Variants in NKAIN2 observed in about 807,000 individuals in gnomAD.
NKAIN2 encodes the protein sodium/potassium transporting ATPase interacting 2, also known as sodium/potassium-transporting ATPase subunit beta-1-interacting protein 2.
NKAIN2 carries 14 observed loss-of-function variants against 32.6 expected under a neutral mutation model. The observed-to-expected ratio is 0.43, with a 90% CI of 0.28 to 0.67. NKAIN2 has a LOEUF of 0.67. Ranked by LOEUF, NKAIN2 falls within the 30% of genes least tolerant of loss-of-function variation. NKAIN2 has a pLI of 0.17. For missense variants in NKAIN2, 198 were observed against 258.3 expected, an observed-to-expected ratio of 0.77 and a Z score of 1.60; for synonymous variants, 80 against 87.2, an observed-to-expected ratio of 0.92 and a Z score of 0.46.
At chr6:124,108,899 G>A (rs904352360) in intron 1 of NKAIN2, among the ~76,000 whole-genome samples, 3 of 152,020 alleles carry the variant, frequency 2.0e-5, no homozygotes, top group South Asian at 4.1e-4. Context: ...TGGTTTATAT[G>A]TCTATCTTTA....
At chr6:124,000,243 A>G (rs1294541068) in intron 1 of NKAIN2, among the ~76,000 whole-genome samples, 1 of 152,042 alleles carries the variant, frequency 6.6e-6, no homozygotes, top group Non-Finnish European at 1.5e-5. Flanking sequence ...TACCACATAT[A>G]CATCTATTTT....
intron 1 of NKAIN2, among the ~76,000 whole-genome samples, chr6:124,023,255 A>G (rs1448368543): frequency 2.0e-5 from 3 of 151,842 alleles, no homozygotes; most frequent in Non-Finnish European, 4.4e-5. Flanking sequence ...TATGTATTAT[A>G]TAATGTATGT....
At chr6:124,380,809 A>T (rs527650425) in intron 3 of NKAIN2, among the ~76,000 whole-genome samples, 2 of 152,352 alleles carry the variant, frequency 1.3e-5, no homozygotes, top group African/African-American at 2.4e-5. Context: ...AAGACGTGAC[A>T]TAGAAATCAT....
intron 2 of NKAIN2, among the ~76,000 whole-genome samples, chr6:124,309,202 T>A: frequency 6.6e-6 from 1 of 152,106 alleles, no homozygotes; most frequent in East Asian, 1.9e-4. Context: ...AAACCACTAA[T>A]TTTAGATGAG....
chr6:124,433,206 C>G (rs181370996), intron 3 of NKAIN2, among the ~76,000 whole-genome samples: 1 of 152,262 alleles, frequency 6.6e-6, no homozygotes, highest in East Asian at 1.9e-4. Context: ...TTGGACTGGG[C>G]CACTTTTTCC....
chr6:124,647,340 A>G (rs1177488534), intron 3 of NKAIN2, among the ~76,000 whole-genome samples: 2 of 151,798 alleles, frequency 1.3e-5, no homozygotes, highest in Admixed American at 6.6e-5. Context: ...TGAGGTCAGG[A>G]GTTCAAGACC....
chr6:124,750,520 G>A (rs923937041), intron 4 of NKAIN2, among the ~76,000 whole-genome samples: 1 of 151,768 alleles, frequency 6.6e-6, no homozygotes, highest in Non-Finnish European at 1.5e-5. Context: ...TGGATGGATG[G>A]ATGGATGGAT....
intron 1 of NKAIN2, among the ~76,000 whole-genome samples, chr6:123,987,036 CAT>C (rs1332374152): frequency 6.6e-6 from 1 of 152,116 alleles, no homozygotes; most frequent in East Asian, 1.9e-4. Context: ...TCAGTTTTCT[CAT>C]GAGTGAGATG....
chr6:124,610,937 T>C (rs1782666607), intron 3 of NKAIN2, among the ~76,000 whole-genome samples: 1 of 152,214 alleles, frequency 6.6e-6, no homozygotes, highest in African/African-American at 2.4e-5. Flanking sequence ...ATCATTATCC[T>C]ATTCTAGTAA....
intron 3 of NKAIN2, among the ~76,000 whole-genome samples, chr6:124,520,924 A>G (rs927187216): frequency 1.3e-5 from 2 of 152,174 alleles, no homozygotes; most frequent in Non-Finnish European, 2.9e-5. Context: ...TTCAACTTCT[A>G]ATTGTTCATT....
intron 1 of NKAIN2, among the ~76,000 whole-genome samples, chr6:124,068,079 ATAACT>A (rs1476226063): frequency 1.3e-5 from 2 of 152,188 alleles, no homozygotes; most frequent in African/African-American, 4.8e-5. Context: ...TAGAGTTTTA[ATAACT>A]TAAGTTTATG....
At chr6:124,227,915 T>C (rs190475726) in intron 1 of NKAIN2, among the ~76,000 whole-genome samples, 10 of 152,318 alleles carry the variant, frequency 6.6e-5, no homozygotes, top group Admixed American at 6.5e-4. Flanking sequence ...AACAGACATT[T>C]ATTTCACACA....
At chr6:124,430,924 G>A (rs148568522) in intron 3 of NKAIN2, among the ~76,000 whole-genome samples, 1 of 152,242 alleles carries the variant, frequency 6.6e-6, no homozygotes, top group East Asian at 1.9e-4. Context: ...AGTTACTTGG[G>A]TGTCAGGAAT....
chr6:124,805,833 G>A (rs1233666772), intron 5 of NKAIN2, among the ~76,000 whole-genome samples: 10 of 152,322 alleles, frequency 6.6e-5, no homozygotes, highest in Non-Finnish European at 7.3e-5. Flanking sequence ...TGAGAACTAC[G>A]TGAAGAATGC....
chr6:124,782,026 C>T (rs867234682), intron 4 of NKAIN2, among the ~76,000 whole-genome samples: 3 of 152,080 alleles, frequency 2.0e-5, no homozygotes, highest in Admixed American at 6.6e-5. Context: ...TTCAGAGGCA[C>T]GCTTTATTGG....
chr6:124,089,534 T>C (rs1456812418), intron 1 of NKAIN2, among the ~76,000 whole-genome samples: 1 of 151,936 alleles, frequency 6.6e-6, no homozygotes, highest in Non-Finnish European at 1.5e-5. Context: ...CATTTTCACT[T>C]TACTATGTCT....
At chr6:124,157,740 T>C (rs1160012284) in intron 1 of NKAIN2, among the ~76,000 whole-genome samples, 1 of 152,228 alleles carries the variant, frequency 6.6e-6, no homozygotes, top group African/African-American at 2.4e-5. Flanking sequence ...CTAAAAGGAT[T>C]GTCATTCTCT....
At chr6:124,413,289 C>G (rs750778726) in intron 3 of NKAIN2, among the ~76,000 whole-genome samples, 26 of 152,276 alleles carry the variant, frequency 1.7e-4, no homozygotes, top group Non-Finnish European at 1.9e-4. Flanking sequence ...AATTGACGTT[C>G]ATTCTTTTAA....
At chr6:124,752,828 G>A (rs201087092) in intron 4 of NKAIN2, among the ~76,000 whole-genome samples, 8 of 151,952 alleles carry the variant, frequency 5.3e-5, no homozygotes, top group South Asian at 2.1e-4. Flanking sequence ...GAAATACATC[G>A]TATTTATGAA....
Sources: gnomAD v4.1 joint callset for allele counts (sites outside exome capture counted in the v4.1 genomes callset) on GRCh38, gnomAD v4.1.1 for gene constraint, MANE v1.5 for transcripts, NCBI Gene and HGNC (gene_info 2026-07-23, HGNC 2026-07-21) for gene names.